Variants in BSPH1 observed in about 807,000 individuals in gnomAD.
The protein encoded by BSPH1 is binder of sperm 1.
Under a neutral mutation model 22.5 loss-of-function variants are expected in BSPH1, and 21 were observed. The observed-to-expected ratio is 0.93, with a 90% CI of 0.66 to 1.35. The LOEUF (loss-of-function observed/expected upper bound fraction) is 1.35. BSPH1 is among the 40% of genes most tolerant of loss of function. BSPH1 has a pLI of 0.00. For synonymous variants in BSPH1, 42 were observed against 53.6 expected, an observed-to-expected ratio of 0.78 and a Z score of 0.95; for missense variants, 141 against 154.2, an observed-to-expected ratio of 0.91 and a Z score of 0.45.
chr19:47,969,679 G>T (rs1289808243), intron 5 of BSPH1, among the ~76,000 whole-genome samples: 2 of 129,456 alleles, frequency 1.5e-5, no homozygotes, highest in African/African-American at 2.8e-5. Context: ...AAGGCAGGGA[G>T]AGGGGGAGAG....
At chr19:47,989,944 C>A (rs977044465) in intron 1 of BSPH1, among the ~76,000 whole-genome samples, 2 of 151,844 alleles carry the variant, frequency 1.3e-5, no homozygotes, top group East Asian at 1.9e-4. Flanking sequence ...CATGGTGGAA[C>A]CTGGTCTCTA....
chr19:47,974,269 C>CTCTCTTTT (rs57733472), intron 5 of BSPH1, among the ~76,000 whole-genome samples: 1 of 75,994 alleles, frequency 1.3e-5, no homozygotes, highest in African/African-American at 5.4e-5. Flanking sequence ...CTCTCTCTCT[C>CTCTCTTTT]TTTTTTTTTT....
chr19:47,977,644 T>C (rs368296094), intron 3 of BSPH1, 140 bp from the exon 4 acceptor site: 5 of 1,423,742 alleles, frequency 3.5e-6, no homozygotes, highest in Non-Finnish European at 2.7e-6. Context: ...TGCTACTCAA[T>C]AGCAGAGCTT....
chr19:47,974,271 T>TC (rs1568395729), intron 5 of BSPH1, among the ~76,000 whole-genome samples: 1 of 93,908 alleles, frequency 1.1e-5, no homozygotes, highest in East Asian at 3.6e-4. Flanking sequence ...CTCTCTCTCT[T>TC]TTTTTTTTTT....
intron 5 of BSPH1, among the ~76,000 whole-genome samples, chr19:47,972,007 G>GCTA (rs986957342): frequency 5.2e-5 from 4 of 76,774 alleles, no homozygotes; most frequent in Non-Finnish European, 1.1e-4. Flanking sequence ...TGAAGAAAAA[G>GCTA]TTATTCTGAC....
rs1217168584 is a variant in BSPH1, at chr19:47,992,075, A to G, written c.7T>C (p.Ser3Pro). Reference protein sequence around the residue: MGSLMLLFVETTR... With the variant: MGPLMLLFVETTR... ...GTTTCCACGAAGAGAAGCATCAGGG[A>G]GCCCATGGGCAGTCACAGGCTTCCC... Residue 3 changes from serine to proline, a missense_variant, in exon 1 of 6, where the codon TCC becomes CCC. Ser to Pro is a moderately conservative substitution (Grantham distance 74, BLOSUM62 -1). Transcript: ENST00000344839. The G allele has an allele frequency of 6.4e-6, 10 of 1,551,106 alleles. No individual in the cohort carries two copies. The East Asian group carries it at 2.4e-4, about 38-fold the overall frequency.
intron 1 of BSPH1, among the ~76,000 whole-genome samples, chr19:47,985,835 G>GAA (rs5828325): frequency 1.4e-3 from 206 of 144,374 alleles, no homozygotes; most frequent in African/African-American, 3.4e-3. Flanking sequence ...ACTTTGTCTA[G>GAA]AAAAAAAAAA....
chr19:47,976,642 A>G, intron 5 of BSPH1, 68 bp downstream of exon 5: 3 of 1,387,538 alleles, frequency 2.2e-6, no homozygotes, highest in Non-Finnish European at 3.0e-6. Flanking sequence ...CTCTGCCAAC[A>G]AAAACTCTAG....
rs371688930 is a variant in BSPH1 at position 47,991,787 on chromosome 19, TC to T, written c.73+221del. On this transcript the variant is annotated intron_variant, in intron 1 of 5. Coordinates refer to ENST00000344839, the MANE Select transcript of BSPH1 (RefSeq NM_001128326.2). ...TCCTTCTTCACCTCCTCCCCCCTTC[TC>T]CCCCCTTTCCCTCTTTCTCCCCTCC... Among the ~76,000 whole-genome samples the T allele has an allele frequency of 5.9e-3, 300 of 50,624 alleles. 6 individuals are homozygous for T. The highest frequency in any genetic ancestry group is 0.021 in the African/African-American group (282 of 13,210). The allele number at this position is 50,624 out of a possible 152,430, so 33.2% of individuals were successfully genotyped here.
intron 1 of BSPH1, among the ~76,000 whole-genome samples, chr19:47,986,316 A>G (rs1969470512): frequency 6.6e-6 from 1 of 152,214 alleles, no homozygotes; most frequent in Non-Finnish European, 1.5e-5. Flanking sequence ...CTGGAAGAGC[A>G]CTGGTGAAGA....
At chr19:47,986,872 G>T (rs1387258364) in intron 1 of BSPH1, among the ~76,000 whole-genome samples, 2 of 152,210 alleles carry the variant, frequency 1.3e-5, no homozygotes, top group Non-Finnish European at 2.9e-5. Context: ...GCCAGGGTTG[G>T]TTCCTTCTTA....
chr19:47,980,093 T>C (rs2122250593), intron 2 of BSPH1, among the ~76,000 whole-genome samples: 1 of 152,332 alleles, frequency 6.6e-6, no homozygotes, highest in Middle Eastern at 3.4e-3. Flanking sequence ...ATATCACTTA[T>C]GTTAGAACCT....
chr19:47,979,066 G>A, intron 3 of BSPH1, among the ~76,000 whole-genome samples: 1 of 152,110 alleles, frequency 6.6e-6, no homozygotes, highest in East Asian at 1.9e-4. Context: ...GTGGTAAAAT[G>A]AGCAGGCTCT....
intron 1 of BSPH1, among the ~76,000 whole-genome samples, 199 bp downstream of exon 1, chr19:47,991,810 C>G (rs1383632484): frequency 1.0e-5 from 1 of 99,168 alleles, no homozygotes; most frequent in African/African-American, 3.5e-5. Flanking sequence ...TCTTTCTCCC[C>G]TCCTCCTCCT....
intron 3 of BSPH1, among the ~76,000 whole-genome samples, chr19:47,978,031 G>T (rs10413686): frequency 0.32 from 25,596 of 79,730 alleles, 2,662 homozygotes; most frequent in Non-Finnish European, 0.36. Flanking sequence ...TATATATATA[G>T]TTATAGGTGC....
chr19:47,968,363 CT>C (rs67184020), intron 5 of BSPH1, among the ~76,000 whole-genome samples, 154 bp from the exon 6 acceptor site: 13,693 of 140,796 alleles, frequency 0.097, 1,174 homozygotes, highest in African/African-American at 0.27. Context: ...TCTCTTTTTT[CT>C]TTTTTTTTTT....
chr19:47,973,620 G>A (rs1288099777), intron 5 of BSPH1, among the ~76,000 whole-genome samples: 3 of 152,150 alleles, frequency 2.0e-5, no homozygotes, highest in Non-Finnish European at 4.4e-5. Flanking sequence ...TACAACAGTT[G>A]GTTGTTGAGA....
intron 5 of BSPH1, among the ~76,000 whole-genome samples, chr19:47,969,758 G>C (rs1969294341): frequency 6.6e-6 from 1 of 151,272 alleles, no homozygotes; most frequent in Non-Finnish European, 1.5e-5. Flanking sequence ...GTGAGAGAGA[G>C]AGACTTTAGA....
intron 1 of BSPH1, among the ~76,000 whole-genome samples, chr19:47,982,010 T>C (rs908886694): frequency 6.6e-6 from 1 of 152,316 alleles, no homozygotes; most frequent in African/African-American, 2.4e-5. Context: ...GTCATAACTT[T>C]AGGATGAAAT....
Sources: gnomAD v4.1 joint callset for allele counts (sites outside exome capture counted in the v4.1 genomes callset) on GRCh38, gnomAD v4.1.1 for gene constraint, MANE v1.5 for transcripts, NCBI Gene and HGNC (gene_info 2026-07-23, HGNC 2026-07-21) for gene names.